Variants in COPZ1 observed in about 807,000 individuals in gnomAD.
The protein encoded by COPZ1 is coat protein complex I subunit zeta 1, also known as coatomer subunit zeta-1.
COPZ1 carries 4 observed loss-of-function variants against 31.7 expected under a neutral mutation model. The ratio of observed to expected loss-of-function variants is 0.13; its 90% CI spans 0.06 to 0.29. The LOEUF is 0.29. Among genes scored for constraint, COPZ1 ranks in the 10% least tolerant of loss-of-function variants. The pLI, the probability that COPZ1 is intolerant of heterozygous loss-of-function variation, is 1.00. For missense variants in COPZ1, 156 were observed against 211.5 expected (o/e 0.74, Z 1.63); for synonymous variants, 74 against 79.0 (o/e 0.94, Z 0.33).
intron 5 of COPZ1, among the ~76,000 whole-genome samples, chr12:54,346,412 A>G (rs1166712421): frequency 6.6e-6 from 1 of 151,644 alleles, no homozygotes; most frequent in Non-Finnish European, 1.5e-5. Context: ...AGCTGCAATT[A>G]TAGGCACGTG....
chr12:54,327,499 G>A (rs1953676472), intron 1 of COPZ1, among the ~76,000 whole-genome samples: 9 of 151,878 alleles, frequency 5.9e-5, no homozygotes. Flanking sequence ...GTTTCACTGT[G>A]TTGCCCAGGC....
At chr12:54,334,678 C>T (rs145564525) in intron 1 of COPZ1, among the ~76,000 whole-genome samples, 1 of 151,908 alleles carries the variant, frequency 6.6e-6, no homozygotes, top group African/African-American at 2.4e-5. Context: ...ACGGTGAAAC[C>T]CCGTCTCTAC....
chr12:54,336,181 A>G (rs1008215257), intron 1 of COPZ1, among the ~76,000 whole-genome samples: 7 of 152,136 alleles, frequency 4.6e-5, no homozygotes, highest in Non-Finnish European at 1.0e-4. Flanking sequence ...TACTATATAC[A>G]TTGTGAACAG....
intron 5 of COPZ1, chr12:54,346,634 G>A (rs2137111571): frequency 2.8e-6 from 2 of 701,916 alleles, no homozygotes; most frequent in East Asian, 2.7e-5. Flanking sequence ...CCAGGCAGGA[G>A]GACTGCATGA....
chr12:54,332,475 G>A (rs368240025), intron 1 of COPZ1, among the ~76,000 whole-genome samples: 6 of 151,656 alleles, frequency 4.0e-5, no homozygotes, highest in African/African-American at 1.2e-4. Context: ...GGTAGCTCAC[G>A]CGTGTAATCC....
intron 7 of COPZ1, among the ~76,000 whole-genome samples, chr12:54,348,966 A>G (rs1340893895): frequency 6.6e-6 from 1 of 152,124 alleles, no homozygotes; most frequent in African/African-American, 2.4e-5. Context: ...TGTCTGAGCA[A>G]AGCAAATCTC....
chr12:54,343,165 C>G, intron 3 of COPZ1, 60 bp from the exon 4 acceptor site: 1 of 1,375,646 alleles, frequency 7.3e-7, no homozygotes, highest in Non-Finnish European at 1.0e-6. Flanking sequence ...CTGGTAACTC[C>G]TTCTTTCCTA....
chr12:54,348,137 G>T, intron 7 of COPZ1, 86 bp downstream of exon 7: 2 of 1,173,496 alleles, frequency 1.7e-6, no homozygotes, highest in Non-Finnish European at 2.5e-6. Flanking sequence ...TCCAGTAGTT[G>T]GGGCTCATAG....
intron 8 of COPZ1, 179 bp from the exon 9 acceptor site, chr12:54,350,297 T>C (rs746978809): frequency 1.8e-5 from 14 of 760,736 alleles, no homozygotes; most frequent in Admixed American, 5.3e-5. Context: ...TTTTTGGAAT[T>C]TTCCAAACAA....
chr12:54,337,985 A>G (rs1325487144), intron 1 of COPZ1, among the ~76,000 whole-genome samples: 4 of 152,166 alleles, frequency 2.6e-5, no homozygotes, highest in Non-Finnish European at 5.9e-5. Context: ...TGGCTGTTGT[A>G]GGCACTCACA....
intron 1 of COPZ1, among the ~76,000 whole-genome samples, chr12:54,332,032 A>T (rs1953764842): frequency 2.0e-5 from 3 of 152,240 alleles, no homozygotes; most frequent in Middle Eastern, 3.4e-3. Context: ...TGGGTAAAAA[A>T]TCCTCCAGCA....
intron 1 of COPZ1, among the ~76,000 whole-genome samples, chr12:54,326,682 G>GTGTGT (rs1178809746): frequency 3.8e-5 from 4 of 106,302 alleles, no homozygotes; most frequent in Middle Eastern, 5.3e-3. Flanking sequence ...TGTGTGTGTA[G>GTGTGT]GTAGGTAGGT....
chr12:54,341,737 G>A (rs1169552626), intron 2 of COPZ1, among the ~76,000 whole-genome samples: 1 of 152,186 alleles, frequency 6.6e-6, no homozygotes, highest in Non-Finnish European at 1.5e-5. Context: ...ATAGGGCAGG[G>A]TTTGCCTTTC....
At chr12:54,337,360 A>C (rs772012961) in intron 1 of COPZ1, 1 of 525,842 alleles carries the variant, frequency 1.9e-6, no homozygotes, top group Non-Finnish European at 3.9e-6. Context: ...GACCTTTTAA[A>C]TTCTTTCAGT....
chr12:54,325,147 A>T lies in COPZ1; in HGVS notation c.-17A>T, dbSNP rs1255951980. ...GTTTCTTTTGCGGCTCCACGTCGGC[A>T]CCAGCTGCGGGGCAAGATGGAGGCG... On this transcript the variant is annotated 5_prime_UTR_variant, in exon 1 of 9. Transcript: ENST00000262061. 1.9e-6 allele frequency: 3 copies of T among 1,561,986 alleles called. No individual in the cohort carries two copies. Among genetic ancestry groups the T allele is most frequent in the Non-Finnish European group, 2.6e-6 (3 of 1,153,568 alleles).
At position 54,326,961 on chromosome 12, in the gene COPZ1, C is replaced by CTTTTTTTTTTTTTTTTTTTTTTTTT. The variant is rs60827109; in HGVS notation, c.18+1793_18+1817dup. ...CTGTACCAAGCAGTTAACAAGTATT[C>CTTTTTTTTTTTTTTTTTTTTTTTTT]TTTTTTTTTTTTTTTTTTTTTTTTT... is the stretch of plus-strand genomic sequence containing the variant. On this transcript the variant is annotated intron_variant, in intron 1 of 8. Coordinates refer to ENST00000262061, the MANE Select transcript of COPZ1 (RefSeq NM_016057.3). Among the ~76,000 whole-genome samples the CTTTTTTTTTTTTTTTTTTTTTTTTT allele has an allele frequency of 4.6e-5, 2 of 43,564 alleles. 1 individual carries two copies. The highest frequency in any genetic ancestry group is 8.9e-5 in the Non-Finnish European group (2 of 22,530). 28.6% of individuals were successfully genotyped at this position (43,564 alleles called of 152,430 possible).
chr12:54,343,355 C>A, intron 4 of COPZ1, 39 bp downstream of exon 4: 1 of 1,538,114 alleles, frequency 6.5e-7, no homozygotes. Flanking sequence ...TCTGATCCTA[C>A]TTTCTAAACC....
intron 1 of COPZ1, 191 bp downstream of exon 1, chr12:54,325,372 C>G (rs1231114948): frequency 1.4e-6 from 1 of 720,212 alleles, no homozygotes; most frequent in African/African-American, 1.8e-5. Context: ...GAAGCCCTGC[C>G]GGGGAGAGGG....
intron 1 of COPZ1, chr12:54,325,455 T>G (rs1044388105): frequency 2.7e-5 from 11 of 414,054 alleles, no homozygotes; most frequent in African/African-American, 4.1e-5. Context: ...CGTACTGGAT[T>G]AGGACCCTTC....
Sources: gnomAD v4.1 joint callset for allele counts (sites outside exome capture counted in the v4.1 genomes callset) on GRCh38, gnomAD v4.1.1 for gene constraint, MANE v1.5 for transcripts, NCBI Gene and HGNC (gene_info 2026-07-23, HGNC 2026-07-21) for gene names.